Variants in LMNB2 observed in about 807,000 individuals in gnomAD.
The protein encoded by LMNB2 is lamin-B2.
A neutral mutation model predicts 69.3 loss-of-function variants in LMNB2; 17 were observed. The ratio of observed to expected loss-of-function variants is 0.25; its 90% CI spans 0.17 to 0.37. The LOEUF (loss-of-function observed/expected upper bound fraction) is 0.37. Ranked by LOEUF, LMNB2 falls within the 10% of genes least tolerant of loss-of-function variation. The probability of loss-of-function intolerance (pLI) is 1.00; values close to 1 mark genes in which losing one functional copy is unlikely to be tolerated. For synonymous variants in LMNB2, 397 were observed against 389.3 expected (o/e 1.02, Z -0.23); for missense variants, 789 against 883.6 (o/e 0.89, Z 1.36).
intron 4 of LMNB2, among the ~76,000 whole-genome samples, chr19:2,437,433 G>T (rs1971841400): frequency 6.6e-6 from 1 of 152,254 alleles, no homozygotes; most frequent in Non-Finnish European, 1.5e-5. Flanking sequence ...GGCGGCCAGG[G>T]TTCAGCTCTC....
chr19:2,431,096 A>G (rs1156377588), intron 11 of LMNB2, 144 bp from the exon 12 acceptor site: 3 of 706,942 alleles, frequency 4.2e-6, no homozygotes, highest in East Asian at 2.7e-5. Flanking sequence ...TTCCACTTCC[A>G]TGTCCCCATG....
In LMNB2 at chr19:2,447,312, C is replaced by G. The variant is rs1057218354; in HGVS notation, c.265-2772G>C. ...TTGAGGATGTCACACTCATGAGACG[C>G]CAGACACAAAACGCCACACAGTGTG... is the stretch of plus-strand genomic sequence containing the variant. On this transcript the variant is annotated intron_variant, in intron 1 of 11. Transcript: ENST00000325327. This position sits in a 1 kb window ranked among gnomAD's most constrained non-coding sequence, Gnocchi z 4.4. 1.3e-5 allele frequency among the ~76,000 whole-genome samples: 2 copies of G among 152,126 alleles called. No individual in the cohort carries two copies. Among genetic ancestry groups the G allele is most frequent in the Non-Finnish European group, 2.9e-5 (2 of 68,034 alleles).
At chr19:2,435,563 G>A (rs1476642713) in intron 4 of LMNB2, among the ~76,000 whole-genome samples, 1 of 152,172 alleles carries the variant, frequency 6.6e-6, no homozygotes, top group Non-Finnish European at 1.5e-5. Flanking sequence ...TGCTGATGGG[G>A]AGGGGGTTCT....
intron 1 of LMNB2, among the ~76,000 whole-genome samples, chr19:2,446,642 CAAG>C (rs1195427400): frequency 6.6e-6 from 1 of 152,212 alleles, no homozygotes; most frequent in African/African-American, 2.4e-5. Context: ...GGGCGTCCGT[CAAG>C]AAGACAGACA....
rs1278950547 is a variant in LMNB2, at chr19:2,428,919, C to T, written c.*1992G>A. On this transcript the variant is annotated 3_prime_UTR_variant, in exon 12 of 12. Transcript: ENST00000325327. ...AGTCCTAGGACCACCCCCAGCTCCA[C>T]CCAAGGCAAATGTAGGGTGGGGGGT... 1 of 152,236 alleles carries T rather than the reference C, an allele frequency of 6.6e-6. No individual in the cohort carries two copies. The highest frequency in any genetic ancestry group is 1.5e-5 in the Non-Finnish European group (1 of 68,090). The allele number at this position is 152,236 out of a possible 1,614,324, so 9.4% of individuals were successfully genotyped here.
Position 2,433,995 on chromosome 19 carries a change from C to T in LMNB2, c.1313G>A (p.Arg438Gln), listed in dbSNP as rs758913468. ...TGRLGRSKRK[R>Q]LEVEEPLGSG... Reference sequence around the variant, plus strand: ...GCCCAAGGGCTCCTCCACCTCCAGCCGCTTCCGCTTACTGCGGCCCAGGCG... The same window carrying T: ...GCCCAAGGGCTCCTCCACCTCCAGCTGCTTCCGCTTACTGCGGCCCAGGCG... Residue 438 changes from arginine (R) to glutamine (Q), a missense_variant, in exon 8 of 12, where the codon CGG becomes CAG. Around this residue, in one of 3 missense-constraint regions of LMNB2, gnomAD observed 609 missense variants for 630.9 expected, o/e 0.97. Transcript: ENST00000325327. The T allele has an allele frequency of 8.7e-6, 14 of 1,609,892 alleles. No individual in the cohort carries two copies. The highest frequency in any genetic ancestry group is 4.5e-5 in the East Asian group (2 of 44,840).
chr19:2,456,924 G>C lies in LMNB2; in HGVS notation c.10C>G (p.Pro4Ala), dbSNP rs1345951078. 1.0e-6 allele frequency: 1 copy of C among 994,260 alleles called. No homozygotes were observed. The highest frequency in any genetic ancestry group is 1.2e-6 in the Non-Finnish European group (1 of 837,600). 61.6% of individuals were successfully genotyped at this position (994,260 alleles called of 1,614,324 possible). MSP[P>A]SPGRRREQRR... ...TGCTCCCGACGGCGGCCCGGGCTCG[G>C]CGGGCTCATTCAATCCGCGCCGCCG... Residue 4 changes from proline to alanine, a missense_variant, in exon 1 of 12, where the codon CCG (proline) becomes GCG (alanine). Coordinates refer to ENST00000325327, the MANE Select transcript of LMNB2 (RefSeq NM_032737.4).
rs4807267 is a variant in LMNB2, at chr19:2,443,400, A to G, written c.401+1004T>C. Among the ~76,000 whole-genome samples, 56,835 of 152,020 alleles carry G rather than the reference A, an allele frequency of 0.37. 11,449 individuals are homozygous for G. The highest frequency in any genetic ancestry group is 0.54 in the African/African-American group (22,464 of 41,448). On this transcript the variant is annotated intron_variant, in intron 2 of 11. Coordinates refer to ENST00000325327, the MANE Select transcript of LMNB2 (RefSeq NM_032737.4). The surrounding 1 kb of genome is among the most constrained non-coding windows in gnomAD (Gnocchi z 6.2). ...TGGGGGCCCCGGCACTGTTGGACAC[A>G]GGGTCCCCGGTCATTCCTCTGGCCA...
chr19:2,445,761 C>T (rs1246894422), intron 1 of LMNB2, among the ~76,000 whole-genome samples: 1 of 90,592 alleles, frequency 1.1e-5, no homozygotes, highest in African/African-American at 4.9e-5. Flanking sequence ...TTTCACCCCT[C>T]GATCACAGGG....
chr19:2,441,843 G>C (rs1971903732), intron 2 of LMNB2, among the ~76,000 whole-genome samples: 1 of 152,246 alleles, frequency 6.6e-6, no homozygotes, highest in African/African-American at 2.4e-5. Context: ...AGGCAGGCGA[G>C]CAGCAGTGCA....
In LMNB2 at chr19:2,438,392, G is replaced by A. The variant is rs1204917895; in HGVS notation, c.541C>T (p.Arg181Trp). The A allele has an allele frequency of 9.9e-6, 16 of 1,612,816 alleles. No homozygotes were observed. Among genetic ancestry groups the A allele is most frequent in the Non-Finnish European group, 1.2e-5 (14 of 1,179,902 alleles). ...RGLESDVAEL[R>W]AQLAKAEDGH... Reference sequence around the variant, plus strand: ...GCACCTACCTTGGCCAGCTGGGCCCGCAGCTCAGCCACGTCACTCTCCAGG... The same window carrying A: ...GCACCTACCTTGGCCAGCTGGGCCCACAGCTCAGCCACGTCACTCTCCAGG... Residue 181 changes from arginine to tryptophan, a missense_variant, in exon 3 of 12, where the codon CGG (arginine) becomes TGG (tryptophan). Arg to Trp is a moderately radical substitution (Grantham distance 101). Around this residue, in one of 3 missense-constraint regions of LMNB2, gnomAD observed 609 missense variants for 630.9 expected, o/e 0.97. Transcript: ENST00000325327.
intron 2 of LMNB2, among the ~76,000 whole-genome samples, chr19:2,440,502 A>G (rs146666823): frequency 2.0e-5 from 3 of 152,208 alleles, no homozygotes; most frequent in Admixed American, 6.5e-5. Flanking sequence ...ACAGATAGCT[A>G]TATCTATCTA....
At chr19:2,455,094 G>A (rs1276786460) in intron 1 of LMNB2, among the ~76,000 whole-genome samples, 1 of 151,954 alleles carries the variant, frequency 6.6e-6, no homozygotes, top group Non-Finnish European at 1.5e-5. Context: ...TTTCCCGTGG[G>A]ACCCCAAGGT....
Position 2,434,331 on chromosome 19 carries a change from T to A in LMNB2, c.1166A>T (p.Asn389Ile). 1 of 1,613,120 alleles carries A rather than the reference T, an allele frequency of 6.2e-7. No homozygotes were observed. Among genetic ancestry groups the A allele is most frequent in the Non-Finnish European group, 8.5e-7 (1 of 1,179,978 alleles). ...DVKLALDMEI[N>I]AYRKLLEGEE... ...GCCCTCCAGGAGCTTCCGGTAGGCG[T>A]TGATCTCCATGTCCAGGGCCAGCTT... Residue 389 changes from asparagine (N) to isoleucine (I), a missense_variant, in exon 7 of 12, where the codon AAC becomes ATC. By Grantham distance (149) the Asn-to-Ile change is moderately radical. Transcript: ENST00000325327.
At chr19:2,433,548 C>A (rs1971774979) in intron 8 of LMNB2, among the ~76,000 whole-genome samples, 2 of 88,514 alleles carry the variant, frequency 2.3e-5, no homozygotes. Context: ...GGCCCCGTCA[C>A]CCTGACCCTG....
chr19:2,430,926 G>T lies in LMNB2; in HGVS notation c.1848C>A (p.Gly616=). The change falls in exon 12 of 12, where the codon GGC becomes GGA. Residue 616 remains glycine (G), a synonymous_variant. Transcript: ENST00000325327. Reference sequence around the variant, plus strand: ...GAGTGTGGGTTCACATCACGTAGCAGCCTCTTGAGGTGGTCCTCGGGTCCC... The same window carrying T: ...GAGTGTGGGTTCACATCACGTAGCATCCTCTTGAGGTGGTCCTCGGGTCCC... The part of the protein sequence containing the change: ...QQGDPRTTSR[G]CYVM 1 of 1,607,790 alleles carries T rather than the reference G, an allele frequency of 6.2e-7. No homozygotes were observed. Among genetic ancestry groups the T allele is most frequent in the South Asian group, 1.1e-5 (1 of 90,950 alleles).
intron 1 of LMNB2, among the ~76,000 whole-genome samples, chr19:2,450,170 G>A (rs1013218157): frequency 6.8e-6 from 1 of 147,328 alleles, no homozygotes; most frequent in East Asian, 2.1e-4. Context: ...TCGCCCCAGC[G>A]TGACGATGAG....
At position 2,447,144 on chromosome 19, in the gene LMNB2, A is replaced by AAAAT. The variant is rs1027086868; in HGVS notation, c.265-2608_265-2605dup. ...GGGAGACAGAGCGAGACTCAGTTTC[A>AAAAT]AAATAAATAAATAAATAAATAAAAT... On this transcript the variant is annotated intron_variant, in intron 1 of 11. Transcript: ENST00000325327. The surrounding 1 kb of genome is among the most constrained non-coding windows in gnomAD (Gnocchi z 4.4). Among the ~76,000 whole-genome samples the AAAAT allele has an allele frequency of 1.1e-4, 16 of 151,954 alleles. No homozygotes were observed. The highest frequency in any genetic ancestry group is 1.9e-4 in the East Asian group (1 of 5,204).
At chr19:2,437,722 C>T (rs1265251861) in intron 4 of LMNB2, among the ~76,000 whole-genome samples, 1 of 148,730 alleles carries the variant, frequency 6.7e-6, no homozygotes, top group African/African-American at 2.5e-5. Context: ...ATTGCTTGAA[C>T]CTGGGAGGCG....
Sources: allele counts gnomAD v4.1 joint callset (sites outside exome capture counted in the v4.1 genomes callset), GRCh38; gene constraint gnomAD v4.1.1; regional missense constraint gnomAD v4.1.1; non-coding constraint Gnocchi (gnomAD v3.1); transcripts MANE v1.5; gene names NCBI Gene and HGNC (gene_info 2026-07-23, HGNC 2026-07-21).